The following TBC1D5 variants were observed in gnomAD, a reference collection of about 807,000 sequenced individuals.
TBC1D5 encodes the protein TBC1 domain family, member 5.
TBC1D5 carries 75 observed loss-of-function variants against 100.3 expected under a neutral mutation model. The ratio of observed to expected loss-of-function variants is 0.75; its 90% CI spans 0.62 to 0.91. The LOEUF (loss-of-function observed/expected upper bound fraction) is 0.91, where lower values mean the gene tolerates loss of function less well. Ranked by LOEUF, TBC1D5 falls within the 40% of genes least tolerant of loss-of-function variation. TBC1D5 has a pLI of 0.00. For synonymous variants in TBC1D5, 323 were observed against 325.6 expected, an observed-to-expected ratio of 0.99 and a Z score of 0.09; for missense variants, 910 against 942.4, an observed-to-expected ratio of 0.97 and a Z score of 0.45.
At chr3:17,457,038 G>A (rs1349941018) in intron 3 of TBC1D5, among the ~76,000 whole-genome samples, 1 of 152,012 alleles carries the variant, frequency 6.6e-6, no homozygotes, top group Non-Finnish European at 1.5e-5. Flanking sequence ...ATTTTGGGGG[G>A]TAGAATCTTT....
chr3:17,609,904 C>A (rs2061561468), intron 2 of TBC1D5, among the ~76,000 whole-genome samples: 1 of 152,210 alleles, frequency 6.6e-6, no homozygotes, highest in Admixed American at 6.5e-5. Context: ...TTCCATACCA[C>A]CAACTTATAC....
At chr3:17,475,363 T>G (rs1427774103) in intron 3 of TBC1D5, among the ~76,000 whole-genome samples, 1 of 151,914 alleles carries the variant, frequency 6.6e-6, no homozygotes, top group African/African-American at 2.4e-5. Flanking sequence ...TTATTTCTCC[T>G]CCCCACTCAC....
intron 16 of TBC1D5, among the ~76,000 whole-genome samples, chr3:17,256,219 C>T (rs1025231380): frequency 1.3e-5 from 2 of 151,968 alleles, no homozygotes; most frequent in African/African-American, 2.4e-5. Flanking sequence ...ATTTTCCCAG[C>T]ACCGTCTATT....
chr3:17,353,979 A>G (rs1472462061), intron 13 of TBC1D5, among the ~76,000 whole-genome samples: 2 of 152,102 alleles, frequency 1.3e-5, no homozygotes, highest in Non-Finnish European at 2.9e-5. Context: ...CACGTTTTCT[A>G]TCAGACAGTA....
chr3:17,433,972 G>C (rs1007695290), intron 3 of TBC1D5, among the ~76,000 whole-genome samples: 1 of 152,180 alleles, frequency 6.6e-6, no homozygotes, highest in African/African-American at 2.4e-5. Context: ...GATCTACTTT[G>C]ACTCCATGTC....
At chr3:17,510,513 G>C (rs2095892220) in intron 2 of TBC1D5, among the ~76,000 whole-genome samples, 1 of 151,952 alleles carries the variant, frequency 6.6e-6, no homozygotes. Context: ...TCAGTTATTT[G>C]CTTATGTGTG....
At chr3:17,284,406 C>A (rs771640712) in intron 15 of TBC1D5, among the ~76,000 whole-genome samples, 4 of 152,310 alleles carry the variant, frequency 2.6e-5, no homozygotes, top group Non-Finnish European at 5.9e-5. Flanking sequence ...CGTGAGCCAC[C>A]ACGCCTGGCC....
chr3:17,219,248 T>G (rs994696136), intron 17 of TBC1D5, among the ~76,000 whole-genome samples: 1 of 151,962 alleles, frequency 6.6e-6, no homozygotes, highest in Admixed American at 6.6e-5. Flanking sequence ...AGAATATCTA[T>G]TTAATTCTCT....
At chr3:17,399,170 T>C (rs945772539) in intron 8 of TBC1D5, among the ~76,000 whole-genome samples, 13 of 152,098 alleles carry the variant, frequency 8.5e-5, no homozygotes, top group Admixed American at 3.3e-4. Flanking sequence ...GGGTATGTAT[T>C]AGAGAAACTG....
chr3:17,404,811 A>G, intron 6 of TBC1D5, 43 bp from the exon 7 acceptor site: 1 of 1,584,678 alleles, frequency 6.3e-7, no homozygotes, highest in Non-Finnish European at 8.6e-7. Flanking sequence ...ATCAGAGGCT[A>G]CTGGACTTTA....
intron 2 of TBC1D5, among the ~76,000 whole-genome samples, chr3:17,589,847 A>G (rs1223944794): frequency 1.3e-5 from 2 of 152,152 alleles, no homozygotes; most frequent in African/African-American, 2.4e-5. Context: ...ACTTGGGGAG[A>G]CAGCATCCAA....
intron 2 of TBC1D5, among the ~76,000 whole-genome samples, chr3:17,514,581 C>T (rs1201496721): frequency 6.6e-6 from 1 of 152,120 alleles, no homozygotes; most frequent in Non-Finnish European, 1.5e-5. Flanking sequence ...AAATACTAGA[C>T]TCATAAACAA....
intron 2 of TBC1D5, among the ~76,000 whole-genome samples, chr3:17,567,990 A>T (rs193103379): frequency 6.6e-6 from 1 of 151,728 alleles, no homozygotes; most frequent in Admixed American, 6.6e-5. Context: ...TCAAAACAAC[A>T]AGAGTATACT....
chr3:17,235,970 C>T (rs2075821554), intron 17 of TBC1D5, among the ~76,000 whole-genome samples: 1 of 151,920 alleles, frequency 6.6e-6, no homozygotes, highest in Non-Finnish European at 1.5e-5. Context: ...GAAGGGTTGC[C>T]AAACAAGGCT....
chr3:17,240,583 A>C (rs1209062900), intron 16 of TBC1D5, among the ~76,000 whole-genome samples: 1 of 151,910 alleles, frequency 6.6e-6, no homozygotes, highest in Non-Finnish European at 1.5e-5. Context: ...AAATGAAAAA[A>C]CTCATAAATT....
At chr3:17,628,070 T>C (rs2063204054) in intron 1 of TBC1D5, among the ~76,000 whole-genome samples, 1 of 152,108 alleles carries the variant, frequency 6.6e-6, no homozygotes, top group Admixed American at 6.6e-5. Flanking sequence ...TACCTATTTT[T>C]AAAAATACAC....
chr3:17,663,261 A>G (rs538173308), intron 1 of TBC1D5, among the ~76,000 whole-genome samples: 44 of 89,646 alleles, frequency 4.9e-4, no homozygotes, highest in African/African-American at 1.6e-3. Flanking sequence ...ATTTGATTAC[A>G]TAAAAATTTA....
rs542139674 is a variant in TBC1D5 at position 17,573,070 on chromosome 3, G to A, written c.-36+50779C>T. Among the ~76,000 whole-genome samples, 9 of 152,156 alleles carry A rather than the reference G, an allele frequency of 5.9e-5. No homozygotes were observed. In the East Asian group the frequency reaches 1.5e-3, roughly 26 times the overall value. On this transcript the variant is annotated intron_variant, in intron 2 of 21. Coordinates refer to ENST00000253692, the Ensembl canonical transcript of TBC1D5. ...ACAGTAACTCATCTCCTGGCCTTGA[G>A]AGATCCATACATTCAACCATCTCCT...
chr3:17,390,175 T>C (rs556952477), intron 8 of TBC1D5, among the ~76,000 whole-genome samples: 223 of 152,118 alleles, frequency 1.5e-3, no homozygotes, highest in African/African-American at 5.3e-3. Flanking sequence ...ATGACTGCAG[T>C]GTGTGGAAGT....
Sources: gnomAD v4.1 joint callset for allele counts (sites outside exome capture counted in the v4.1 genomes callset) on GRCh38, gnomAD v4.1.1 for gene constraint, MANE v1.5 for transcripts, NCBI Gene and HGNC (gene_info 2026-07-23, HGNC 2026-07-21) for gene names.